Variants in CAST observed in about 807,000 individuals in gnomAD.
CAST encodes the protein calpastatin.
In CAST, 76 loss-of-function variants were observed where a neutral mutation model predicts 119.6. The observed-to-expected ratio is 0.64, with a 90% CI of 0.53 to 0.77. The LOEUF is 0.77. Among genes scored for constraint, CAST ranks in the 30% least tolerant of loss-of-function variants. The probability of loss-of-function intolerance (pLI) is 0.00; values close to 1 mark genes in which losing one functional copy is unlikely to be tolerated. For synonymous variants in CAST, 319 were observed against 331.6 expected, an observed-to-expected ratio of 0.96 and a Z score of 0.41; for missense variants, 953 against 946.5, an observed-to-expected ratio of 1.01 and a Z score of -0.09.
chr5:96,550,921 A>G (rs1037509333), intron 1 of CAST, among the ~76,000 whole-genome samples: 2 of 152,246 alleles, frequency 1.3e-5, no homozygotes, highest in Non-Finnish European at 2.9e-5. Context: ...ACTATGTGAA[A>G]AGACCAAATT....
the CAST span, among the ~76,000 whole-genome samples, chr5:96,414,396 A>G: frequency 6.9e-6 from 1 of 145,136 alleles, no homozygotes; most frequent in Non-Finnish European, 1.5e-5. Flanking sequence ...GAGGCCAGGA[A>G]GGGATAGTGA....
At chr5:96,311,725 A>G in the CAST span, among the ~76,000 whole-genome samples, 1 of 152,004 alleles carries the variant, frequency 6.6e-6, no homozygotes, top group Non-Finnish European at 1.5e-5. Context: ...TGATATTCCT[A>G]GAAAACAAAA....
chr5:96,619,942 A>T (rs997034000), intron 1 of CAST, among the ~76,000 whole-genome samples: 2 of 152,246 alleles, frequency 1.3e-5, no homozygotes, highest in African/African-American at 2.4e-5. Flanking sequence ...CAAGAGGTTA[A>T]ATCTCTCCAA....
intron 2 of CAST, among the ~76,000 whole-genome samples, chr5:96,689,102 T>A (rs1752419501): frequency 6.6e-6 from 1 of 152,180 alleles, no homozygotes; most frequent in Admixed American, 6.5e-5. Flanking sequence ...GCAAGAATAC[T>A]GAAATATTTT....
intron 1 of CAST, among the ~76,000 whole-genome samples, chr5:96,656,092 G>C (rs533113261): frequency 2.5e-4 from 38 of 152,288 alleles, no homozygotes; most frequent in African/African-American, 8.9e-4. Context: ...CCTGATCATA[G>C]ATAATGAAGA....
the CAST span, among the ~76,000 whole-genome samples, chr5:96,207,205 A>C: frequency 2.0e-5 from 3 of 152,160 alleles, no homozygotes. Context: ...TTTTGGGCAG[A>C]GACTATAGGG....
At chr5:96,213,422 A>T in the CAST span, 1 of 152,110 alleles carries the variant, frequency 6.6e-6, no homozygotes, top group Non-Finnish European at 1.5e-5. Flanking sequence ...TACTTCTTTA[A>T]AATTTAATAA....
chr5:96,204,036 A>G, the CAST span, among the ~76,000 whole-genome samples: 30 of 152,076 alleles, frequency 2.0e-4, no homozygotes, highest in Non-Finnish European at 3.4e-4. Context: ...CTGCTATTTC[A>G]GGCTTCTAAT....
At chr5:96,562,643 A>G (rs261997) in intron 1 of CAST, among the ~76,000 whole-genome samples, 45,331 of 152,066 alleles carry the variant, frequency 0.3, 7,691 homozygotes, top group Middle Eastern at 0.43. Context: ...ATTTTACTAT[A>G]CATGTACTTG....
chr5:96,476,082 A>G, the CAST span, among the ~76,000 whole-genome samples: 19 of 152,242 alleles, frequency 1.2e-4, no homozygotes, highest in African/African-American at 4.1e-4. Context: ...GCTGTTGAAC[A>G]TTCAGAAACA....
the CAST span, among the ~76,000 whole-genome samples, chr5:96,202,358 A>G: frequency 6.6e-6 from 1 of 152,108 alleles, no homozygotes; most frequent in Non-Finnish European, 1.5e-5. Context: ...TAAAATAACA[A>G]TGAATATTTT....
the CAST span, among the ~76,000 whole-genome samples, chr5:96,378,347 AAAAAG>A: frequency 6.6e-6 from 1 of 152,122 alleles, no homozygotes; most frequent in African/African-American, 2.4e-5. Flanking sequence ...AAAAAAGAGA[AAAAAG>A]AAAATAAGAA....
chr5:96,704,913 TTAGA>T (rs752847873), intron 3 of CAST, among the ~76,000 whole-genome samples: 1 of 152,218 alleles, frequency 6.6e-6, no homozygotes, highest in African/African-American at 2.4e-5. Flanking sequence ...CAATTCTGAA[TTAGA>T]TAGAGCTCTT....
At chr5:96,090,699 T>A in the CAST span, among the ~76,000 whole-genome samples, 1 of 152,132 alleles carries the variant, frequency 6.6e-6, no homozygotes, top group Admixed American at 6.5e-5. Flanking sequence ...AGGGTATTTT[T>A]AAAATAAAGT....
At chr5:96,270,545 T>C in the CAST span, among the ~76,000 whole-genome samples, 2 of 152,184 alleles carry the variant, frequency 1.3e-5, no homozygotes, top group African/African-American at 4.8e-5. Flanking sequence ...AACAAGATCA[T>C]GTTCTTTGCG....
At chr5:96,371,612 C>G in the CAST span, among the ~76,000 whole-genome samples, 1 of 152,184 alleles carries the variant, frequency 6.6e-6, no homozygotes, top group Non-Finnish European at 1.5e-5. Context: ...ACTCACTGGA[C>G]TGTAAATCAC....
the CAST span, among the ~76,000 whole-genome samples, chr5:96,518,785 C>A: frequency 2.6e-5 from 4 of 152,008 alleles, no homozygotes; most frequent in South Asian, 2.1e-4. Flanking sequence ...GAGGCCGAGG[C>A]GGGTGGATCA....
chr5:96,534,768 AG>A (rs1745764350), intron 1 of CAST, among the ~76,000 whole-genome samples: 1 of 131,700 alleles, frequency 7.6e-6, no homozygotes, highest in East Asian at 2.1e-4. Flanking sequence ...AAAGAAAGAA[AG>A]AAAGAAAGAA....
chr5:96,006,683 A>T, the CAST span, among the ~76,000 whole-genome samples: 1 of 152,224 alleles, frequency 6.6e-6, no homozygotes, highest in Non-Finnish European at 1.5e-5. Flanking sequence ...TGCTGTCATC[A>T]GAACAGGTAT....
Sources: gnomAD v4.1 joint callset for allele counts (sites outside exome capture counted in the v4.1 genomes callset) on GRCh38, gnomAD v4.1.1 for gene constraint, MANE v1.5 for transcripts, NCBI Gene and HGNC (gene_info 2026-07-23, HGNC 2026-07-21) for gene names.